Variants in FBXL17 observed in about 807,000 individuals in gnomAD.
FBXL17 encodes the protein F-box/LRR-repeat protein 17.
Under a neutral mutation model 66.2 loss-of-function variants are expected in FBXL17, and 22 were observed. The observed-to-expected ratio is 0.33, with a 90% CI of 0.24 to 0.47. The LOEUF is 0.47. Among genes scored for constraint, FBXL17 ranks in the 20% least tolerant of loss-of-function variants. FBXL17 has a pLI of 1.00. For synonymous variants in FBXL17, 474 were observed against 400.5 expected (o/e 1.18, Z -2.19); for missense variants, 878 against 948.2 (o/e 0.93, Z 0.97).
intron 6 of FBXL17, among the ~76,000 whole-genome samples, chr5:108,101,329 G>A (rs1033267127): frequency 1.3e-5 from 2 of 152,180 alleles, no homozygotes; most frequent in African/African-American, 4.8e-5. Context: ...CAATGCCATG[G>A]TTAGCTCATC....
At chr5:107,933,934 G>A (rs1033829536) in intron 7 of FBXL17, among the ~76,000 whole-genome samples, 6 of 152,056 alleles carry the variant, frequency 3.9e-5, no homozygotes, top group South Asian at 2.1e-4. Context: ...AAAAGAAGCC[G>A]TCTGAATTCC....
At chr5:107,945,001 T>C (rs1751233527) in intron 7 of FBXL17, among the ~76,000 whole-genome samples, 1 of 152,014 alleles carries the variant, frequency 6.6e-6, no homozygotes, top group Admixed American at 6.6e-5. Context: ...GGAGAATTCA[T>C]ACCAGTAAAA....
At chr5:107,878,173 T>A (rs1748670221) in intron 8 of FBXL17, 1 of 884,442 alleles carries the variant, frequency 1.1e-6, no homozygotes, top group Non-Finnish European at 1.4e-6. Context: ...TAAAAAATAA[T>A]CTTAATTTTA....
chr5:107,949,881 T>C (rs1457145845), intron 7 of FBXL17, among the ~76,000 whole-genome samples: 3 of 152,170 alleles, frequency 2.0e-5, no homozygotes, highest in Admixed American at 6.6e-5. Flanking sequence ...TCCAAGCTGC[T>C]TGGTTCCTGA....
intron 4 of FBXL17, among the ~76,000 whole-genome samples, chr5:108,338,081 T>C (rs1337561191): frequency 6.6e-6 from 1 of 152,008 alleles, no homozygotes; most frequent in Non-Finnish European, 1.5e-5. Context: ...CCTGCAACAA[T>C]TTAAAATGTA....
At chr5:108,329,396 T>G (rs370205182) in intron 4 of FBXL17, among the ~76,000 whole-genome samples, 4 of 152,120 alleles carry the variant, frequency 2.6e-5, no homozygotes, top group African/African-American at 9.7e-5. Flanking sequence ...AGAAAACAAC[T>G]GCTTAAAGTC....
At chr5:108,158,326 T>C (rs541151362) in intron 6 of FBXL17, among the ~76,000 whole-genome samples, 43 of 152,156 alleles carry the variant, frequency 2.8e-4, no homozygotes, top group Non-Finnish European at 4.6e-4. Context: ...CAAAAACTTA[T>C]TGGATACATA....
At chr5:108,369,642 T>A (rs1748900923) in intron 1 of FBXL17, among the ~76,000 whole-genome samples, 1 of 151,428 alleles carries the variant, frequency 6.6e-6, no homozygotes, top group East Asian at 1.9e-4. Flanking sequence ...CAAAATAAAA[T>A]CTATTCTAAA....
At chr5:107,904,133 A>G (rs573560135) in intron 7 of FBXL17, among the ~76,000 whole-genome samples, 9 of 152,264 alleles carry the variant, frequency 5.9e-5, no homozygotes, top group African/African-American at 2.2e-4. Context: ...CCGGGGCTTC[A>G]CCTGGATGCT....
chr5:108,267,659 T>A (rs1187843692), intron 4 of FBXL17, among the ~76,000 whole-genome samples: 2 of 152,038 alleles, frequency 1.3e-5, no homozygotes, highest in Non-Finnish European at 2.9e-5. Context: ...AATACCAAAG[T>A]ACTCACCACA....
chr5:108,321,341 T>C (rs1439952633), intron 4 of FBXL17, among the ~76,000 whole-genome samples: 1 of 151,844 alleles, frequency 6.6e-6, no homozygotes, highest in African/African-American at 2.4e-5. Flanking sequence ...TGCTGCTTCT[T>C]TGAGGTCAGA....
At chr5:108,015,226 G>A (rs1402251361) in intron 7 of FBXL17, among the ~76,000 whole-genome samples, 3 of 151,986 alleles carry the variant, frequency 2.0e-5, no homozygotes, top group Non-Finnish European at 4.4e-5. Context: ...AAAAACAAGG[G>A]AAATTTGCAA....
Position 107,861,732 on chromosome 5 carries a change from G to A in FBXL17, c.2094C>T (p.Ala698=), listed in dbSNP as rs1447977269. 12 of 1,576,558 alleles carry A rather than the reference G, an allele frequency of 7.6e-6. No homozygotes were observed. In the African/African-American group the frequency reaches 1.1e-4, roughly 14 times the overall value. ...YQMGWTPNMS[A]ASS ...CGAGGCAGGAGCGCTAGGAGGAGGCGGCAGACATGTTGGGGGTCCAGCCCA... is the reference window on the plus strand; with the variant it reads ...CGAGGCAGGAGCGCTAGGAGGAGGCAGCAGACATGTTGGGGGTCCAGCCCA... Residue 698 remains alanine, a synonymous_variant, in exon 9 of 9, where the codon GCC becomes GCT. Coordinates refer to ENST00000542267, the MANE Select transcript of FBXL17 (RefSeq NM_001163315.3).
chr5:107,918,821 G>C (rs1750218309), intron 7 of FBXL17, among the ~76,000 whole-genome samples: 1 of 152,140 alleles, frequency 6.6e-6, no homozygotes, highest in Admixed American at 6.5e-5. Context: ...GCTTAGCCTT[G>C]CTGCTTTGCT....
intron 4 of FBXL17, among the ~76,000 whole-genome samples, chr5:108,285,533 C>T (rs1256174763): frequency 6.6e-6 from 1 of 151,804 alleles, no homozygotes; most frequent in Non-Finnish European, 1.5e-5. Flanking sequence ...CATTAATGTC[C>T]TTGTAAATGC....
intron 7 of FBXL17, among the ~76,000 whole-genome samples, chr5:108,003,600 C>T (rs559414849): frequency 6.8e-4 from 104 of 152,148 alleles, no homozygotes; most frequent in Non-Finnish European, 1.1e-3. Flanking sequence ...AGAAAGAGAA[C>T]TGAAAACATG....
intron 4 of FBXL17, among the ~76,000 whole-genome samples, chr5:108,326,732 T>TAC (rs1197161681): frequency 6.6e-5 from 10 of 152,100 alleles, no homozygotes; most frequent in Admixed American, 6.6e-4. Flanking sequence ...GGTACCACCA[T>TAC]ACACTCACTG....
intron 6 of FBXL17, among the ~76,000 whole-genome samples, chr5:108,164,137 T>A (rs13160886): frequency 2.0e-5 from 3 of 152,174 alleles, no homozygotes; most frequent in Non-Finnish European, 1.5e-5. Context: ...AAAGCAAGAA[T>A]TGACATCACA....
chr5:108,352,389 A>G (rs917092348), intron 3 of FBXL17, among the ~76,000 whole-genome samples: 1 of 152,242 alleles, frequency 6.6e-6, no homozygotes, highest in Non-Finnish European at 1.5e-5. Context: ...TCTATGACCC[A>G]CAGAAAAACA....
Sources: gnomAD v4.1 joint callset for allele counts (sites outside exome capture counted in the v4.1 genomes callset) on GRCh38, gnomAD v4.1.1 for gene constraint, MANE v1.5 for transcripts, NCBI Gene and HGNC (gene_info 2026-07-23, HGNC 2026-07-21) for gene names.